FRMD3: variants seen among roughly 807,000 people sequenced by gnomAD.
FRMD3 encodes FERM domain-containing protein 3.
Under a neutral mutation model 70.2 loss-of-function variants are expected in FRMD3, and 33 were observed. The observed-to-expected ratio is 0.47, with a 90% CI of 0.36 to 0.63. The LOEUF is 0.63. Ranked by LOEUF, FRMD3 falls within the 20% of genes least tolerant of loss-of-function variation. The pLI is 0.00. For missense variants in FRMD3, 632 were observed against 711.4 expected (o/e 0.89, Z 1.27); for synonymous variants, 279 against 255.9 (o/e 1.09, Z -0.86).
chr9:83,571,557 T>C, the FRMD3 span, among the ~76,000 whole-genome samples: 1 of 152,184 alleles, frequency 6.6e-6, no homozygotes, highest in African/African-American at 2.4e-5. Context: ...AGTTGCGTGT[T>C]GACATCTGAA....
chr9:83,351,685 C>G (rs1476143007), intron 3 of FRMD3, among the ~76,000 whole-genome samples: 8 of 81,192 alleles, frequency 9.9e-5, no homozygotes, highest in African/African-American at 4.2e-4. Context: ...TTGATAGTTA[C>G]ATGATAGATA....
At chr9:83,572,148 G>GGTGTGTGTGTGT in the FRMD3 span, among the ~76,000 whole-genome samples, 1 of 149,018 alleles carries the variant, frequency 6.7e-6, no homozygotes, top group Admixed American at 6.7e-5. Flanking sequence ...AGTTTTTTGA[G>GGTGTGTGTGTGT]GTGTGTGTGT....
chr9:83,339,651 AG>A (rs1823691497), intron 5 of FRMD3, among the ~76,000 whole-genome samples: 1 of 152,166 alleles, frequency 6.6e-6, no homozygotes, highest in Non-Finnish European at 1.5e-5. Context: ...ATGCTTGCTA[AG>A]TCAGGAGCCC....
At chr9:83,536,175 C>T (rs1212774914) in intron 1 of FRMD3, among the ~76,000 whole-genome samples, 1 of 152,112 alleles carries the variant, frequency 6.6e-6, no homozygotes. Context: ...AGTGCCCAAG[C>T]CAACATTTTG....
intron 1 of FRMD3, among the ~76,000 whole-genome samples, chr9:83,448,195 T>C (rs1353223069): frequency 2.6e-5 from 4 of 152,206 alleles, no homozygotes; most frequent in African/African-American, 9.7e-5. Context: ...CATTCTTAAA[T>C]ACACTTCTCT....
At chr9:83,388,849 C>A (rs1422231396) in intron 2 of FRMD3, among the ~76,000 whole-genome samples, 1 of 151,860 alleles carries the variant, frequency 6.6e-6, no homozygotes, top group Non-Finnish European at 1.5e-5. Flanking sequence ...TGGCAACCAC[C>A]ATCAATATGA....
chr9:83,329,563 C>A (rs1161634531), intron 6 of FRMD3, among the ~76,000 whole-genome samples: 3 of 152,128 alleles, frequency 2.0e-5, no homozygotes, highest in Non-Finnish European at 4.4e-5. Context: ...ATGATAACTC[C>A]ATTTTTTTAA....
chr9:83,322,571 C>T (rs1354988111), intron 6 of FRMD3, among the ~76,000 whole-genome samples: 4 of 152,182 alleles, frequency 2.6e-5, no homozygotes, highest in Non-Finnish European at 5.9e-5. Context: ...CCAGCAGAGG[C>T]CACTGTAGGC....
At chr9:83,507,074 A>G (rs988459235) in intron 1 of FRMD3, among the ~76,000 whole-genome samples, 2 of 152,186 alleles carry the variant, frequency 1.3e-5, no homozygotes, top group Admixed American at 6.5e-5. Flanking sequence ...TGATAACAAT[A>G]TATCGACCAG....
intron 5 of FRMD3, 25 bp from the exon 6 acceptor site, chr9:83,335,664 G>T (rs749715533): frequency 5.9e-5 from 94 of 1,602,306 alleles, no homozygotes; most frequent in Non-Finnish European, 7.4e-5. Context: ...AAAATAAAGA[G>T]ACAGAGAAAG....
intron 11 of FRMD3, 52 bp from the exon 12 acceptor site, chr9:83,298,868 G>A (rs1343222309): frequency 6.6e-7 from 1 of 1,526,454 alleles, no homozygotes; most frequent in Non-Finnish European, 9.1e-7. Flanking sequence ...AGAAGAATGG[G>A]AGGGATATGC....
intron 1 of FRMD3, among the ~76,000 whole-genome samples, chr9:83,447,787 G>A (rs1162073195): frequency 6.6e-6 from 1 of 152,174 alleles, no homozygotes; most frequent in Non-Finnish European, 1.5e-5. Context: ...AAGTCAGGAT[G>A]TCAAATCCTA....
intron 1 of FRMD3, among the ~76,000 whole-genome samples, chr9:83,439,276 A>G (rs1398966837): frequency 2.0e-5 from 3 of 152,266 alleles, no homozygotes; most frequent in African/African-American, 7.2e-5. Context: ...TTGGTTTCTA[A>G]TTCTTCATCC....
In FRMD3 at chr9:83,504,218, C is replaced by A. The variant is rs559504470; in HGVS notation, c.147+33867G>T. 6.6e-5 allele frequency among the ~76,000 whole-genome samples: 10 copies of A among 152,292 alleles called. 1 individual carries two copies. The highest frequency in any genetic ancestry group is 2.4e-4 in the African/African-American group (10 of 41,552). On this transcript the variant is annotated intron_variant, in intron 1 of 13. Coordinates refer to ENST00000304195, the MANE Select transcript of FRMD3 (RefSeq NM_174938.6). ...CTTTCACACAAACGGAAAGCACCAC[C>A]AATGACTGTAGACATTCAAGTGGTC... is the stretch of plus-strand genomic sequence containing the variant.
intron 1 of FRMD3, among the ~76,000 whole-genome samples, chr9:83,420,547 C>A (rs1826602684): frequency 6.6e-6 from 1 of 152,096 alleles, no homozygotes; most frequent in Non-Finnish European, 1.5e-5. Context: ...CACAGGTCCT[C>A]AGCAGCTCTA....
chr9:83,430,380 A>T (rs1457120160), intron 1 of FRMD3, among the ~76,000 whole-genome samples: 1 of 152,152 alleles, frequency 6.6e-6, no homozygotes, highest in Non-Finnish European at 1.5e-5. Context: ...CAGCCACCAT[A>T]TTGAGAAATT....
chr9:83,401,774 G>A (rs1587818105), intron 1 of FRMD3, among the ~76,000 whole-genome samples: 1 of 152,122 alleles, frequency 6.6e-6, no homozygotes, highest in African/African-American at 2.4e-5. Flanking sequence ...CATCACTTCG[G>A]TTTATTGGCC....
At chr9:83,502,227 G>A (rs994197119) in intron 1 of FRMD3, among the ~76,000 whole-genome samples, 1 of 152,190 alleles carries the variant, frequency 6.6e-6, no homozygotes, top group Non-Finnish European at 1.5e-5. Flanking sequence ...TCCCTGCTGT[G>A]TACCGGGTAG....
intron 1 of FRMD3, among the ~76,000 whole-genome samples, chr9:83,481,043 C>T (rs1311892549): frequency 6.6e-6 from 1 of 152,020 alleles, no homozygotes; most frequent in Non-Finnish European, 1.5e-5. Flanking sequence ...CACATAGATG[C>T]AAGAAAATTA....
Sources: allele counts gnomAD v4.1 joint callset (sites outside exome capture counted in the v4.1 genomes callset), GRCh38; gene constraint gnomAD v4.1.1; transcripts MANE v1.5; gene names NCBI Gene and HGNC (gene_info 2026-07-23, HGNC 2026-07-21).